OSGIN2: variants seen among roughly 807,000 people sequenced by gnomAD.
The protein encoded by OSGIN2 is oxidative stress induced growth inhibitor family member 2, also known as oxidative stress-induced growth inhibitor 2.
Under a neutral mutation model 53.8 loss-of-function variants are expected in OSGIN2, and 19 were observed. The observed-to-expected ratio is 0.35, with a 90% CI of 0.25 to 0.52. OSGIN2 has a LOEUF of 0.52. OSGIN2 is among the 20% of genes least tolerant of loss of function. The pLI is 0.95. For synonymous variants in OSGIN2, 236 were observed against 236.0 expected, an observed-to-expected ratio of 1.00 and a Z score of 0.00; for missense variants, 520 against 662.7, an observed-to-expected ratio of 0.78 and a Z score of 2.36.
chr8:89,925,108 A>G lies in OSGIN2; in HGVS notation c.1226A>G (p.Tyr409Cys), dbSNP rs1382452512. ...KVYHMMCTQS[Y>C]SVDSNLLSDY... Reference sequence around the variant, plus strand: ...TATCATATGATGTGTACTCAGTCATATTCTGTAGACTCAAATCTTTTATCT... The same window carrying G: ...TATCATATGATGTGTACTCAGTCATGTTCTGTAGACTCAAATCTTTTATCT... Residue 409 changes from tyrosine (Y) to cysteine (C), a missense_variant, in exon 6 of 6, where the codon TAT becomes TGT. Tyr to Cys is a radical substitution (Grantham distance 194). Around this residue, in one of 3 missense-constraint regions of OSGIN2, gnomAD observed 239 missense variants for 328.3 expected, o/e 0.73. Transcript: ENST00000451899. The G allele has an allele frequency of 2.5e-6, 4 of 1,614,024 alleles. No homozygotes were observed. In the South Asian group the frequency reaches 4.4e-5, roughly 18 times the overall value.
chr8:89,913,953 T>A lies in OSGIN2; in HGVS notation c.200-124T>A, dbSNP rs530687745. ...GTTAAAATCTCATGAAACATCTGGT[T>A]TTAAGAGATTAGAAAAGGAAGAACT... On this transcript the variant is annotated intron_variant, in intron 2 of 5. Transcript: ENST00000451899. The A allele has an allele frequency of 3.5e-5, 28 of 804,628 alleles. No homozygotes were observed. In the African/African-American group the frequency reaches 4.6e-4, roughly 13 times the overall value. 49.8% of individuals were successfully genotyped at this position (804,628 alleles called of 1,614,324 possible).
chr8:89,903,816 C>CAAAATT, intron 1 of OSGIN2, among the ~76,000 whole-genome samples: 1 of 152,260 alleles, frequency 6.6e-6, no homozygotes, highest in African/African-American at 2.4e-5. Context: ...TATACTTATT[C>CAAAATT]AAAATTATAG....
In OSGIN2 at chr8:89,924,665, T is replaced by A. The variant is rs374568630; in HGVS notation, c.783T>A (p.Asp261Glu). 7.4e-5 allele frequency: 120 copies of A among 1,613,994 alleles called. No homozygotes were observed. The highest frequency in any genetic ancestry group is 9.7e-5 in the Non-Finnish European group (115 of 1,179,956). The stretch of plus-strand genomic sequence containing the variant: ...ATGATGATGATATTCAAGACAGAGA[T>A]ATTTCAACAAAGCATTTACAGATAG... ...DQDDDDIQDR[D>E]ISTKHLQIEK... The change falls in exon 6 of 6, where the codon GAT (aspartate) becomes GAA (glutamate). Residue 261 changes from aspartate to glutamate, a missense_variant. Asp to Glu is a conservative substitution (Grantham distance 45). Transcript: ENST00000451899.
At chr8:89,913,122 C>T (rs764149881) in intron 2 of OSGIN2, among the ~76,000 whole-genome samples, 1 of 152,180 alleles carries the variant, frequency 6.6e-6, no homozygotes, top group Non-Finnish European at 1.5e-5. Context: ...CTGCGTGACT[C>T]TTCAGCAGTA....
chr8:89,910,853 C>T (rs1808953431), intron 2 of OSGIN2, among the ~76,000 whole-genome samples: 3 of 152,168 alleles, frequency 2.0e-5, no homozygotes, highest in Admixed American at 2.0e-4. Flanking sequence ...AGCTTAGCCT[C>T]ATGTATATTT....
chr8:89,907,413 T>G (rs1808862013), intron 1 of OSGIN2, among the ~76,000 whole-genome samples: 1 of 152,208 alleles, frequency 6.6e-6, no homozygotes, highest in African/African-American at 2.4e-5. Context: ...ATTTGAGTCT[T>G]TAATCCATCT....
rs1809328270 is a variant in OSGIN2, at chr8:89,926,174, A to C, written c.*642A>C. 6.6e-6 allele frequency: 1 copy of C among 152,166 alleles called. No individual in the cohort carries two copies. Among genetic ancestry groups the C allele is most frequent in the Admixed American group, 6.6e-5 (1 of 15,262 alleles). 9.4% of individuals were successfully genotyped at this position (152,166 alleles called of 1,614,324 possible). A position where few individuals can be genotyped will look rare whatever the true frequency, so the allele number is the denominator to read the frequency against. ...TTATTTTGAAATTATCAATTGTATA[A>C]ATCTAATTTATTACCAAATAGGGTC... On this transcript the variant is annotated 3_prime_UTR_variant, in exon 6 of 6. Transcript: ENST00000451899.
At chr8:89,910,795 C>A (rs1217004535) in intron 2 of OSGIN2, among the ~76,000 whole-genome samples, 1 of 152,222 alleles carries the variant, frequency 6.6e-6, no homozygotes, top group Non-Finnish European at 1.5e-5. Flanking sequence ...GCCCACTCCA[C>A]TTCCCACAAA....
Position 89,925,896 on chromosome 8 carries a change from A to C in OSGIN2, c.*364A>C, listed in dbSNP as rs1035354831. On this transcript the variant is annotated 3_prime_UTR_variant, in exon 6 of 6. Transcript: ENST00000451899. ...AAACTGTGCAGTCATTATGCCAGAA[A>C]TTATCTTAAATATATAATGGGTCAC... 23 of 185,042 alleles carry C rather than the reference A, an allele frequency of 1.2e-4. No individual in the cohort carries two copies. The allele number at this position is 185,042 out of a possible 1,614,324, so 11.5% of individuals were successfully genotyped here. A position where few individuals can be genotyped will look rare whatever the true frequency, so the allele number is the denominator to read the frequency against.
intron 1 of OSGIN2, among the ~76,000 whole-genome samples, chr8:89,906,671 A>T (rs1176870050): frequency 6.6e-6 from 1 of 152,100 alleles, no homozygotes. Context: ...TTCTTTATCC[A>T]GTCTATCATT....
chr8:89,919,377 T>A (rs1809149856), intron 4 of OSGIN2, among the ~76,000 whole-genome samples: 1 of 152,208 alleles, frequency 6.6e-6, no homozygotes, highest in Admixed American at 6.5e-5. Context: ...GTAAAGTCAC[T>A]GGTGCGTGGT....
At chr8:89,917,902 T>G (rs1044074112) in intron 4 of OSGIN2, among the ~76,000 whole-genome samples, 1 of 152,224 alleles carries the variant, frequency 6.6e-6, no homozygotes, top group African/African-American at 2.4e-5. Context: ...TTTTATATCT[T>G]CAATTTCTCT....
intron 4 of OSGIN2, among the ~76,000 whole-genome samples, chr8:89,915,381 C>T (rs1809055861): frequency 6.6e-6 from 1 of 152,166 alleles, no homozygotes; most frequent in African/African-American, 2.4e-5. Flanking sequence ...GGGACCTACC[C>T]TCATGACCTC....
chr8:89,915,846 G>A (rs941548185), intron 4 of OSGIN2, among the ~76,000 whole-genome samples: 5 of 152,074 alleles, frequency 3.3e-5, no homozygotes, highest in African/African-American at 9.7e-5. Context: ...TACGTCATGG[G>A]TTTCTTTTAA....
At chr8:89,905,384 T>C (rs935315630) in intron 1 of OSGIN2, among the ~76,000 whole-genome samples, 1 of 152,244 alleles carries the variant, frequency 6.6e-6, no homozygotes, top group Non-Finnish European at 1.5e-5. Flanking sequence ...TTTTTATTAC[T>C]CAAAATAAGC....
chr8:89,920,866 T>C (rs1038439019), intron 4 of OSGIN2, among the ~76,000 whole-genome samples: 1 of 152,142 alleles, frequency 6.6e-6, no homozygotes, highest in African/African-American at 2.4e-5. Flanking sequence ...TGAAAGAAGG[T>C]TGTCGGGATA....
chr8:89,919,279 G>A (rs1809148045), intron 4 of OSGIN2, among the ~76,000 whole-genome samples: 1 of 152,144 alleles, frequency 6.6e-6, no homozygotes, highest in Admixed American at 6.6e-5. Flanking sequence ...TATAGTGAAA[G>A]GATACAGATT....
At chr8:89,923,900 A>G (rs1392637922) in intron 5 of OSGIN2, among the ~76,000 whole-genome samples, 1 of 146,876 alleles carries the variant, frequency 6.8e-6, no homozygotes, top group Admixed American at 6.7e-5. Flanking sequence ...TTTTCATAAC[A>G]GTTATGTTTT....
chr8:89,921,420 A>G, intron 5 of OSGIN2: 3 of 367,000 alleles, frequency 8.2e-6, no homozygotes, highest in Non-Finnish European at 4.9e-6. Context: ...GGGTTTATCT[A>G]CTGTCTTGTT....
Sources: gnomAD v4.1 joint callset for allele counts (sites outside exome capture counted in the v4.1 genomes callset) on GRCh38, gnomAD v4.1.1 for gene constraint, gnomAD v4.1.1 regional missense constraint, MANE v1.5 for transcripts, NCBI Gene and HGNC (gene_info 2026-07-23, HGNC 2026-07-21) for gene names.